Variants in NTNG1 observed in about 807,000 individuals in gnomAD.
The protein encoded by NTNG1 is netrin G1, also known as netrin-G1.
A neutral mutation model predicts 54.0 loss-of-function variants in NTNG1; 16 were observed. That is an observed-to-expected ratio of 0.30 (90% confidence interval 0.20 to 0.45). The LOEUF is 0.45. NTNG1 is among the 20% of genes least tolerant of loss of function. The pLI is 1.00. For missense variants in NTNG1, 530 were observed against 678.7 expected, an observed-to-expected ratio of 0.78 and a Z score of 2.43; for synonymous variants, 255 against 263.1, an observed-to-expected ratio of 0.97 and a Z score of 0.30.
At position 107,191,560 on chromosome 1, in the gene NTNG1, G is replaced by A. The variant is rs1263526165; in HGVS notation, c.246+42721G>A. Among the ~76,000 whole-genome samples, 4 of 151,996 alleles carry A rather than the reference G, an allele frequency of 2.6e-5. No individual in the cohort carries two copies. In the East Asian group the frequency reaches 7.7e-4, roughly 29 times the overall value. ...TTCTTCTAGGGTTTTTATGGTTTTA[G>A]GTCTAACATTTAAGTCTTTAATCCA... On this transcript the variant is annotated intron_variant, in intron 2 of 7. Coordinates refer to ENST00000370068, the MANE Select transcript of NTNG1 (RefSeq NM_001113226.3).
chr1:107,369,016 T>C (rs1358153847), intron 3 of NTNG1, among the ~76,000 whole-genome samples: 1 of 152,166 alleles, frequency 6.6e-6, no homozygotes, highest in African/African-American at 2.4e-5. Context: ...TATTCTAGAG[T>C]TTTATATAAA....
chr1:107,484,726 A>T lies in NTNG1; in HGVS notation c.*3886A>T, dbSNP rs1678929309. Among the ~76,000 whole-genome samples the T allele has an allele frequency of 6.6e-6, 1 of 152,196 alleles. No individual in the cohort carries two copies. Among genetic ancestry groups the T allele is most frequent in the Non-Finnish European group, 1.5e-5 (1 of 68,034 alleles). ...TGCACTGGGGGAACAACTGTGAGGA[A>T]ATCTTGACATCGAATATTTTGTTCC... On this transcript the variant is annotated 3_prime_UTR_variant, in exon 8 of 8. Coordinates refer to ENST00000370068, the MANE Select transcript of NTNG1 (RefSeq NM_001113226.3).
At chr1:107,277,439 T>C (rs1451075833) in intron 2 of NTNG1, among the ~76,000 whole-genome samples, 1 of 152,190 alleles carries the variant, frequency 6.6e-6, no homozygotes, top group Non-Finnish European at 1.5e-5. Flanking sequence ...AAAGCTCTCT[T>C]TAAATAATGA....
chr1:107,340,548 C>A (rs538941269), intron 3 of NTNG1, among the ~76,000 whole-genome samples: 1 of 152,182 alleles, frequency 6.6e-6, no homozygotes, highest in East Asian at 1.9e-4. Flanking sequence ...TTATTTGCTG[C>A]TTTCCTTGAT....
intron 2 of NTNG1, among the ~76,000 whole-genome samples, chr1:107,155,760 A>T (rs1345275143): frequency 6.6e-6 from 1 of 152,170 alleles, no homozygotes; most frequent in Non-Finnish European, 1.5e-5. Context: ...GGTTCTAGCT[A>T]ATTAATTGAT....
chr1:107,236,087 C>A (rs1198867665), intron 2 of NTNG1, among the ~76,000 whole-genome samples: 1 of 152,078 alleles, frequency 6.6e-6, no homozygotes, highest in Non-Finnish European at 1.5e-5. Context: ...CACAGACACA[C>A]AACAAATCTA....
chr1:107,152,333 A>G (rs1197436223), intron 2 of NTNG1, among the ~76,000 whole-genome samples: 2 of 152,162 alleles, frequency 1.3e-5, no homozygotes, highest in East Asian at 3.8e-4. Flanking sequence ...CAGATCATCT[A>G]GTGACTACAA....
intron 2 of NTNG1, among the ~76,000 whole-genome samples, chr1:107,239,606 A>T (rs1360935755): frequency 6.6e-6 from 1 of 152,210 alleles, no homozygotes; most frequent in African/African-American, 2.4e-5. Context: ...AAATCCAAAC[A>T]TTGAGAGCTC....
chr1:107,156,522 T>C (rs1655010946), intron 2 of NTNG1, among the ~76,000 whole-genome samples: 1 of 152,210 alleles, frequency 6.6e-6, no homozygotes, highest in Admixed American at 6.5e-5. Context: ...TATAGCCACA[T>C]AATAGAATAT....
At chr1:107,286,031 A>T (rs1156989473) in intron 2 of NTNG1, among the ~76,000 whole-genome samples, 3 of 152,174 alleles carry the variant, frequency 2.0e-5, no homozygotes, top group Non-Finnish European at 4.4e-5. Context: ...GCTGTAGGAG[A>T]TCTGCAGTCG....
intron 2 of NTNG1, among the ~76,000 whole-genome samples, chr1:107,293,586 G>C (rs932759711): frequency 1.3e-5 from 2 of 152,150 alleles, no homozygotes; most frequent in Non-Finnish European, 2.9e-5. Context: ...AAAAGAGACT[G>C]TTCCTGGGTC....
chr1:107,300,805 T>C (rs999856033), intron 2 of NTNG1, among the ~76,000 whole-genome samples: 4 of 152,226 alleles, frequency 2.6e-5, no homozygotes, highest in African/African-American at 9.6e-5. Flanking sequence ...GTTAACATTT[T>C]AAGACTTAGT....
chr1:107,441,729 A>G (rs766099484), intron 7 of NTNG1, among the ~76,000 whole-genome samples: 12 of 152,122 alleles, frequency 7.9e-5, no homozygotes, highest in Non-Finnish European at 7.4e-5. Flanking sequence ...AGAACACATT[A>G]TATTGTGCTT....
intron 2 of NTNG1, among the ~76,000 whole-genome samples, chr1:107,202,251 T>A (rs2101296383): frequency 6.6e-6 from 1 of 152,020 alleles, no homozygotes; most frequent in South Asian, 2.1e-4. Flanking sequence ...TTTTTCCTAT[T>A]TTCAAATCTC....
At chr1:107,232,218 A>G (rs768804816) in intron 2 of NTNG1, among the ~76,000 whole-genome samples, 6 of 152,228 alleles carry the variant, frequency 3.9e-5, no homozygotes, top group Non-Finnish European at 5.9e-5. Context: ...GAAGGCAAGT[A>G]CAGATCCAGA....
chr1:107,254,251 T>G (rs1662791393), intron 2 of NTNG1, among the ~76,000 whole-genome samples: 1 of 152,200 alleles, frequency 6.6e-6, no homozygotes. Context: ...CAACTGATGA[T>G]AAAATTGAGT....
chr1:107,407,867 T>C (rs1415409397), intron 5 of NTNG1, 159 bp downstream of exon 5: 1 of 763,696 alleles, frequency 1.3e-6, no homozygotes, highest in Non-Finnish European at 2.4e-6. Context: ...TGCACAGATC[T>C]GGTGAGAACA....
intron 3 of NTNG1, among the ~76,000 whole-genome samples, chr1:107,331,626 A>G (rs1007640205): frequency 6.6e-6 from 1 of 152,146 alleles, no homozygotes; most frequent in African/African-American, 2.4e-5. Flanking sequence ...CTTTCAACTA[A>G]TGGGCATCAT....
intron 2 of NTNG1, among the ~76,000 whole-genome samples, chr1:107,206,106 A>G (rs1288210488): frequency 6.6e-6 from 1 of 152,050 alleles, no homozygotes; most frequent in African/African-American, 2.4e-5. Flanking sequence ...GTGTGTTTCT[A>G]TTAGGTGTAT....
Sources: allele counts gnomAD v4.1 joint callset (sites outside exome capture counted in the v4.1 genomes callset), GRCh38; gene constraint gnomAD v4.1.1; transcripts MANE v1.5; gene names NCBI Gene and HGNC (gene_info 2026-07-23, HGNC 2026-07-21).